The following RBPMS variants were observed in gnomAD, a reference collection of about 807,000 sequenced individuals.
RBPMS encodes RNA-binding protein with multiple splicing.
A neutral mutation model predicts 26.8 loss-of-function variants in RBPMS; 7 were observed. That is an observed-to-expected ratio of 0.26 (90% CI 0.15 to 0.49). The LOEUF is 0.49. Ranked by LOEUF, RBPMS falls within the 20% of genes least tolerant of loss-of-function variation. The pLI, the probability that RBPMS is intolerant of heterozygous loss-of-function variation, is 0.98. For missense variants in RBPMS, 186 were observed against 250.0 expected, an observed-to-expected ratio of 0.74 and a Z score of 1.73; for synonymous variants, 96 against 93.3, an observed-to-expected ratio of 1.03 and a Z score of -0.17.
chr8:30,442,921 C>T (rs1016571625), intron 1 of RBPMS: 1 of 152,148 alleles, frequency 6.6e-6, no homozygotes, highest in Non-Finnish European at 1.5e-5. Flanking sequence ...AAAGACTTGG[C>T]GATAAGCTCT....
chr8:30,518,801 C>A (rs770309010), intron 5 of RBPMS, among the ~76,000 whole-genome samples: 1 of 141,806 alleles, frequency 7.1e-6, no homozygotes, highest in Non-Finnish European at 1.5e-5. Flanking sequence ...TTATCGTTAA[C>A]CCCTCCTGAC....
chr8:30,498,396 T>C (rs759210087), intron 4 of RBPMS, among the ~76,000 whole-genome samples: 2 of 152,198 alleles, frequency 1.3e-5, no homozygotes, highest in Non-Finnish European at 2.9e-5. Context: ...GATGAATGGG[T>C]CGATGAATCA....
At chr8:30,421,390 C>A (rs568749718) in intron 1 of RBPMS, among the ~76,000 whole-genome samples, 22 of 152,220 alleles carry the variant, frequency 1.4e-4, no homozygotes, top group Non-Finnish European at 3.1e-4. Flanking sequence ...AAGTAAATTT[C>A]TTAAAGAACA....
intron 1 of RBPMS, among the ~76,000 whole-genome samples, chr8:30,473,114 C>A (rs982894146): frequency 2.0e-5 from 3 of 152,196 alleles, no homozygotes; most frequent in African/African-American, 7.2e-5. Context: ...TACTCCTTGC[C>A]TATTGAATCA....
rs369333654 is a variant in RBPMS at position 30,489,722 on chromosome 8, C to T, written c.246+10345C>T. On this transcript the variant is annotated intron_variant, in intron 4 of 8. Coordinates refer to ENST00000397323, the MANE Select transcript of RBPMS (RefSeq NM_001008710.3). ...CCTCCCAAAGTGCAGGGATTACAGG[C>T]GTGAGCCACCGTGCCTGGCTAAAGT... 7.0e-4 allele frequency among the ~76,000 whole-genome samples: 107 copies of T among 152,306 alleles called. 1 individual carries two copies. Among genetic ancestry groups the T allele is most frequent in the African/African-American group, 2.5e-3 (102 of 41,576 alleles).
intron 2 of RBPMS, among the ~76,000 whole-genome samples, chr8:30,476,815 T>G (rs1457683084): frequency 6.6e-6 from 1 of 152,118 alleles, no homozygotes; most frequent in African/African-American, 2.4e-5. Context: ...CATTTTGTTA[T>G]CCTTATCTTG....
intron 5 of RBPMS, among the ~76,000 whole-genome samples, chr8:30,537,337 T>C (rs1053352304): frequency 1.3e-5 from 2 of 152,160 alleles, no homozygotes; most frequent in Non-Finnish European, 2.9e-5. Flanking sequence ...TCTGGGCCAG[T>C]TGAATCATGA....
At chr8:30,426,178 T>C (rs1272441846) in intron 1 of RBPMS, among the ~76,000 whole-genome samples, 1 of 152,228 alleles carries the variant, frequency 6.6e-6, no homozygotes, top group African/African-American at 2.4e-5. Flanking sequence ...TCAATGTTCA[T>C]GTCCCACCAG....
At chr8:30,415,223 C>G (rs1243258014) in intron 1 of RBPMS, among the ~76,000 whole-genome samples, 1 of 152,150 alleles carries the variant, frequency 6.6e-6, no homozygotes, top group African/African-American at 2.4e-5. Flanking sequence ...TCACCAGATT[C>G]AACAATTCTA....
At chr8:30,490,377 G>A (rs1171033272) in intron 4 of RBPMS, among the ~76,000 whole-genome samples, 1 of 152,062 alleles carries the variant, frequency 6.6e-6, no homozygotes, top group Non-Finnish European at 1.5e-5. Context: ...TTGAATCTCT[G>A]TTTCGAAGAC....
At chr8:30,430,015 G>T (rs960618616) in intron 1 of RBPMS, among the ~76,000 whole-genome samples, 2 of 152,174 alleles carry the variant, frequency 1.3e-5, no homozygotes. Context: ...AGGGGCTCAT[G>T]CCTGTAATCA....
At chr8:30,522,876 T>C (rs545282643) in intron 5 of RBPMS, among the ~76,000 whole-genome samples, 4 of 152,334 alleles carry the variant, frequency 2.6e-5, no homozygotes, top group African/African-American at 9.6e-5. Flanking sequence ...TTGAGAATGG[T>C]ATTTTCCAGT....
intron 6 of RBPMS, among the ~76,000 whole-genome samples, chr8:30,550,892 C>T (rs895842504): frequency 3.3e-5 from 5 of 152,230 alleles, no homozygotes; most frequent in African/African-American, 1.2e-4. Flanking sequence ...TACACAAACC[C>T]GCTGTCCCTG....
chr8:30,409,268 A>G (rs1283267950), intron 1 of RBPMS, among the ~76,000 whole-genome samples: 1 of 150,802 alleles, frequency 6.6e-6, no homozygotes, highest in African/African-American at 2.4e-5. Context: ...ATCTCAGCTC[A>G]CCGCAACTTC....
intron 6 of RBPMS, chr8:30,547,271 T>C (rs1825945051): frequency 6.6e-7 from 1 of 1,516,748 alleles, no homozygotes; most frequent in Non-Finnish European, 9.1e-7. Flanking sequence ...TTTTGAGACA[T>C]GGATTTTTTT....
intron 7 of RBPMS, chr8:30,561,954 A>C (rs772043630): frequency 1.9e-5 from 19 of 985,228 alleles, no homozygotes; most frequent in Non-Finnish European, 2.3e-5. Context: ...ACCCTTCAGC[A>C]ATGGCTACTA....
In RBPMS at chr8:30,481,322, C is replaced by CA. The variant is rs947254516; in HGVS notation, c.246+1953dup. ...GTTTTAATGTTTAAATGATAATAGTCAAAAAAAACTGTGTTTCCTCATCAT... is the reference window on the plus strand; with the variant it reads ...GTTTTAATGTTTAAATGATAATAGTCAAAAAAAAACTGTGTTTCCTCATCAT... On this transcript the variant is annotated intron_variant, in intron 4 of 8. Coordinates refer to ENST00000397323, the MANE Select transcript of RBPMS (RefSeq NM_001008710.3). Among the ~76,000 whole-genome samples, 80 of 151,586 alleles carry CA rather than the reference C, an allele frequency of 5.3e-4. 2 individuals are homozygous for CA. The highest frequency in any genetic ancestry group is 1.5e-3 in the African/African-American group (62 of 41,310).
At chr8:30,531,642 G>C (rs1194333300) in intron 5 of RBPMS, among the ~76,000 whole-genome samples, 1 of 152,172 alleles carries the variant, frequency 6.6e-6, no homozygotes, top group Admixed American at 6.5e-5. Flanking sequence ...GAGGGCAGGA[G>C]GGGGGAGTTA....
intron 6 of RBPMS, chr8:30,553,705 C>T (rs539466624): frequency 1.3e-4 from 20 of 152,310 alleles, no homozygotes; most frequent in African/African-American, 4.1e-4. Context: ...GCCTTCAAAA[C>T]ATTAACCCAT....
Sources: gnomAD v4.1 joint callset for allele counts (sites outside exome capture counted in the v4.1 genomes callset) on GRCh38, gnomAD v4.1.1 for gene constraint, MANE v1.5 for transcripts, NCBI Gene and HGNC (gene_info 2026-07-23, HGNC 2026-07-21) for gene names.